The following SEMA3D variants were observed in gnomAD, a reference collection of about 807,000 sequenced individuals.
The protein encoded by SEMA3D is semaphorin-3D.
SEMA3D carries 84 observed loss-of-function variants against 100.1 expected under a neutral mutation model. That is an observed-to-expected ratio of 0.84 (90% CI 0.70 to 1.01). SEMA3D has a LOEUF of 1.01. Ranked by LOEUF, SEMA3D falls within the 50% of genes least tolerant of loss-of-function variation. SEMA3D has a pLI of 0.00. For synonymous variants in SEMA3D, 312 were observed against 320.7 expected, an observed-to-expected ratio of 0.97 and a Z score of 0.29; for missense variants, 875 against 934.1, an observed-to-expected ratio of 0.94 and a Z score of 0.82.
intron 3 of SEMA3D, among the ~76,000 whole-genome samples, chr7:85,107,538 C>T (rs963415435): frequency 1.2e-4 from 18 of 152,078 alleles, no homozygotes; most frequent in Non-Finnish European, 1.9e-4. Flanking sequence ...TCAAAATACA[C>T]ACCCACAACC....
chr7:85,174,294 T>A (rs1387909086), intron 1 of SEMA3D, among the ~76,000 whole-genome samples: 1 of 152,162 alleles, frequency 6.6e-6, no homozygotes, highest in South Asian at 2.1e-4. Context: ...CTGTGTTTCA[T>A]CAGTGACTAT....
chr7:85,018,467 C>T (rs1380115250), intron 14 of SEMA3D, among the ~76,000 whole-genome samples, 174 bp from the exon 15 acceptor site: 3 of 151,546 alleles, frequency 2.0e-5, no homozygotes, highest in Non-Finnish European at 4.4e-5. Flanking sequence ...GTGATTGTAC[C>T]TTAACAGAAA....
intron 15 of SEMA3D, among the ~76,000 whole-genome samples, chr7:85,016,441 C>A (rs1790104989): frequency 6.6e-6 from 1 of 151,716 alleles, no homozygotes; most frequent in Non-Finnish European, 1.5e-5. Context: ...TCATCCAAGA[C>A]AGAAATCTGG....
intron 11 of SEMA3D, among the ~76,000 whole-genome samples, chr7:85,039,556 A>G (rs1042210716): frequency 2.6e-5 from 4 of 152,164 alleles, no homozygotes; most frequent in Admixed American, 2.0e-4. Flanking sequence ...CATCGTGCCC[A>G]CCGATGCTAG....
At chr7:85,042,061 G>T (rs1207744629) in intron 10 of SEMA3D, 110 bp downstream of exon 10, 2 of 799,876 alleles carry the variant, frequency 2.5e-6, no homozygotes, top group South Asian at 1.5e-5. Flanking sequence ...CTCCTGTAAG[G>T]TTTGCTCAGG....
chr7:85,020,028 T>C (rs534923926), intron 14 of SEMA3D, among the ~76,000 whole-genome samples: 15 of 151,782 alleles, frequency 9.9e-5, no homozygotes, highest in Admixed American at 2.0e-4. Flanking sequence ...GAGCCCTGAA[T>C]TCAGCGGTAT....
At chr7:85,051,896 CA>C (rs1315998564) in intron 9 of SEMA3D, among the ~76,000 whole-genome samples, 1 of 151,808 alleles carries the variant, frequency 6.6e-6, no homozygotes, top group Non-Finnish European at 1.5e-5. Context: ...ATGATAGGAG[CA>C]AGAGAATTAA....
intron 12 of SEMA3D, among the ~76,000 whole-genome samples, chr7:85,024,500 A>T (rs2115865343): frequency 6.6e-6 from 1 of 152,148 alleles, no homozygotes; most frequent in East Asian, 1.9e-4. Flanking sequence ...GAAAATATGA[A>T]CACTTAGAAA....
Position 85,066,913 on chromosome 7 carries a change from CAG to C in SEMA3D, c.589+1276_589+1277del, listed in dbSNP as rs201123647. ...GCGCTCACACACACACACACACACA[CAG>C]AGAGAGAGAGAGAGAGAGAGAGAGA... On this transcript the variant is annotated intron_variant, in intron 7 of 18. Transcript: ENST00000284136. 3.6e-3 allele frequency among the ~76,000 whole-genome samples: 458 copies of C among 127,462 alleles called. 2 individuals carry two copies. The highest frequency in any genetic ancestry group is 4.4e-3 in the Admixed American group (57 of 12,872). The allele number at this position is 127,462 out of a possible 152,430, so 83.6% of individuals were successfully genotyped here.
At chr7:85,098,260 ATATAT>A (rs1415097436) in intron 3 of SEMA3D, among the ~76,000 whole-genome samples, 2 of 151,872 alleles carry the variant, frequency 1.3e-5, no homozygotes, top group Non-Finnish European at 2.9e-5. Context: ...AATAGATGTA[ATATAT>A]TATATTTGTA....
chr7:85,230,625 T>C, the SEMA3D span, among the ~76,000 whole-genome samples: 2 of 152,238 alleles, frequency 1.3e-5, no homozygotes, highest in Non-Finnish European at 2.9e-5. Context: ...TATTAATGTG[T>C]TGAATCCTCC....
chr7:85,127,916 T>C (rs527450112), intron 2 of SEMA3D, among the ~76,000 whole-genome samples: 5 of 152,212 alleles, frequency 3.3e-5, no homozygotes, highest in African/African-American at 1.2e-4. Context: ...TTTTGGATAA[T>C]TGTAGAACAT....
At chr7:85,244,581 G>T in the SEMA3D span, among the ~76,000 whole-genome samples, 2 of 152,270 alleles carry the variant, frequency 1.3e-5, no homozygotes, top group Admixed American at 6.5e-5. Flanking sequence ...GATAGTCCAG[G>T]AGGTATGTGT....
chr7:85,187,899 T>G (rs1485512969), upstream of SEMA3D, among the ~76,000 whole-genome samples: 2 of 152,220 alleles, frequency 1.3e-5, no homozygotes, highest in Non-Finnish European at 2.9e-5. Context: ...TTTAGCTGCA[T>G]GGTAAATCCT....
chr7:85,165,973 C>T (rs564672530), intron 1 of SEMA3D, among the ~76,000 whole-genome samples: 181 of 152,082 alleles, frequency 1.2e-3, no homozygotes, highest in African/African-American at 4.3e-3. Flanking sequence ...TTATTCCTAA[C>T]AAAATTATAT....
At chr7:85,089,074 G>T (rs1016762979) in intron 4 of SEMA3D, among the ~76,000 whole-genome samples, 26 of 152,076 alleles carry the variant, frequency 1.7e-4, no homozygotes, top group Non-Finnish European at 3.1e-4. Context: ...ATCAGAACAC[G>T]TGAATGTGAG....
rs993726238 is a variant in SEMA3D, at chr7:84,997,578, T to G, written c.*1862A>C. 1.3e-5 allele frequency: 2 copies of G among 152,178 alleles called. No individual in the cohort carries two copies. The highest frequency in any genetic ancestry group is 4.1e-4 in the South Asian group (2 of 4,832). The allele number at this position is 152,178 out of a possible 1,614,324, so 9.4% of individuals were successfully genotyped here. ...TAATATCAAAAGGGAGTACTCAATC[T>G]CATATATCAGTTTGACTACTTTGAG... is the stretch of plus-strand genomic sequence containing the variant. On this transcript the variant is annotated 3_prime_UTR_variant, in exon 19 of 19. Coordinates refer to ENST00000284136, the MANE Select transcript of SEMA3D (RefSeq NM_001384900.1).
chr7:85,013,456 A>G (rs780169941), intron 16 of SEMA3D, among the ~76,000 whole-genome samples: 1 of 151,762 alleles, frequency 6.6e-6, no homozygotes, highest in Non-Finnish European at 1.5e-5. Context: ...AATAATAAAC[A>G]ATGGCTTTTG....
the SEMA3D span, among the ~76,000 whole-genome samples, chr7:85,248,277 C>G: frequency 6.6e-6 from 1 of 152,178 alleles, no homozygotes; most frequent in African/African-American, 2.4e-5. Flanking sequence ...CAATGAGATA[C>G]TACTACACAC....
Sources: gnomAD v4.1 joint callset for allele counts (sites outside exome capture counted in the v4.1 genomes callset) on GRCh38, gnomAD v4.1.1 for gene constraint, MANE v1.5 for transcripts, NCBI Gene and HGNC (gene_info 2026-07-23, HGNC 2026-07-21) for gene names.